The following CSMD1 variants were observed in gnomAD, a reference collection of about 807,000 sequenced individuals.
CSMD1 encodes the protein CUB and sushi domain-containing protein 1.
CSMD1 carries 213 observed loss-of-function variants against 417.5 expected under a neutral mutation model. That is an observed-to-expected ratio of 0.51 (90% CI 0.46 to 0.57). The LOEUF (loss-of-function observed/expected upper bound fraction) is 0.57, where lower values mean the gene tolerates loss of function less well. CSMD1 is among the 20% of genes least tolerant of loss of function. CSMD1 has a pLI of 0.00. For missense variants in CSMD1, 6,923 were observed against 4,529.7 expected, an observed-to-expected ratio of 1.53 and a Z score of -15.17; for synonymous variants, 2,862 against 1,736.8, an observed-to-expected ratio of 1.65 and a Z score of -16.11.
chr8:4,868,878 G>T (rs1053056197), intron 1 of CSMD1, among the ~76,000 whole-genome samples: 2 of 151,852 alleles, frequency 1.3e-5, no homozygotes, highest in Non-Finnish European at 2.9e-5. Flanking sequence ...TGAGAGGATT[G>T]AATGAAGTAA....
At chr8:4,024,079 G>T (rs1424657564) in intron 4 of CSMD1, among the ~76,000 whole-genome samples, 1 of 152,104 alleles carries the variant, frequency 6.6e-6, no homozygotes, top group East Asian at 1.9e-4. Flanking sequence ...ACTAGAAAGA[G>T]TAGAAGCAAG....
In CSMD1 at chr8:3,188,899, G is replaced by A. The variant is rs749665111; in HGVS notation, c.5511C>T (p.Gly1837=). ...TTCAAGGACTCACCTGAATTCCCGA[G>A]CCCTCCGTAACTATGATCTTCCATA... ...NCIWKIIVTE[G]SGIQIQVISF... is the part of the protein sequence containing the mutation. The change falls in exon 35 of 70, where the codon GGC becomes GGT. Residue 1837 remains glycine (G), a synonymous_variant. Coordinates refer to ENST00000635120, the MANE Select transcript of CSMD1 (RefSeq NM_033225.6). The A allele has an allele frequency of 2.5e-6, 4 of 1,575,826 alleles. No individual in the cohort carries two copies. The Admixed American group carries it at 5.6e-5, about 22-fold the overall frequency.
chr8:3,916,218 C>T (rs1584958756), intron 5 of CSMD1, among the ~76,000 whole-genome samples: 1 of 152,138 alleles, frequency 6.6e-6, no homozygotes, highest in South Asian at 2.1e-4. Flanking sequence ...CAGATGTTGC[C>T]AACCGGTCAT....
rs140275281 is a variant in CSMD1, at chr8:2,950,044, C to G, written c.10314+187G>C. Among the ~76,000 whole-genome samples the G allele has an allele frequency of 3.7e-3, 565 of 152,202 alleles. 7 individuals carry two copies. The highest frequency in any genetic ancestry group is 0.017 in the Middle Eastern group (5 of 294). On this transcript the variant is annotated intron_variant, in intron 67 of 69. Transcript: ENST00000635120. Reference sequence around the variant, plus strand: ...CCAGTTCATTGCTTACTTCTTAGACCTGGTTTCTTCCCTTATAAAATGAAG... The same window carrying G: ...CCAGTTCATTGCTTACTTCTTAGACGTGGTTTCTTCCCTTATAAAATGAAG...
chr8:3,525,953 A>C (rs1797735667), intron 10 of CSMD1, among the ~76,000 whole-genome samples: 1 of 152,194 alleles, frequency 6.6e-6, no homozygotes, highest in Non-Finnish European at 1.5e-5. Context: ...TAAGCCTTAC[A>C]ACAATTCTTC....
intron 41 of CSMD1, among the ~76,000 whole-genome samples, chr8:3,125,796 G>A (rs985368854): frequency 6.6e-6 from 1 of 152,180 alleles, no homozygotes; most frequent in Non-Finnish European, 1.5e-5. Context: ...GGCCAACATG[G>A]TGAAATCCTA....
intron 6 of CSMD1, among the ~76,000 whole-genome samples, chr8:3,745,978 G>A (rs765006400): frequency 5.9e-5 from 9 of 152,172 alleles, no homozygotes; most frequent in Non-Finnish European, 8.8e-5. Flanking sequence ...TGTAAATGCT[G>A]AAGACTTTGG....
chr8:3,458,022 A>G (rs1001070146), intron 12 of CSMD1, among the ~76,000 whole-genome samples: 23 of 152,232 alleles, frequency 1.5e-4, no homozygotes, highest in African/African-American at 5.5e-4. Flanking sequence ...AAATATCATT[A>G]TCAGAACTTT....
intron 37 of CSMD1, among the ~76,000 whole-genome samples, chr8:3,172,822 T>C (rs183678493): frequency 6.6e-6 from 1 of 152,208 alleles, no homozygotes; most frequent in African/African-American, 2.4e-5. Flanking sequence ...ATTGAAACCC[T>C]TTCCCACATG....
chr8:3,561,297 G>C (rs535201381), intron 10 of CSMD1, among the ~76,000 whole-genome samples: 2 of 152,210 alleles, frequency 1.3e-5, no homozygotes, highest in African/African-American at 4.8e-5. Flanking sequence ...CTACTCAAAG[G>C]AAAGGAAATC....
At chr8:4,976,857 G>C (rs1451757437) in intron 1 of CSMD1, among the ~76,000 whole-genome samples, 3 of 152,064 alleles carry the variant, frequency 2.0e-5, no homozygotes, top group African/African-American at 4.8e-5. Context: ...GGGCAACTGT[G>C]CTTAAAGAAA....
intron 2 of CSMD1, among the ~76,000 whole-genome samples, chr8:4,423,048 C>G (rs1797338674): frequency 1.3e-5 from 2 of 151,866 alleles, no homozygotes; most frequent in African/African-American, 4.8e-5. Flanking sequence ...AAGAATATCT[C>G]TACAAAAATA....
intron 24 of CSMD1, 145 bp downstream of exon 24, chr8:3,308,167 C>T (rs145362748): frequency 1.1e-5 from 7 of 655,660 alleles, no homozygotes; most frequent in African/African-American, 9.2e-5. Flanking sequence ...CTCACAGACA[C>T]GTGCAAATCT....
chr8:3,281,909 T>C (rs979396730), intron 26 of CSMD1, among the ~76,000 whole-genome samples: 1 of 152,140 alleles, frequency 6.6e-6, no homozygotes, highest in South Asian at 2.1e-4. Context: ...GTCTTCATGA[T>C]AGAGTTCTCA....
chr8:3,600,987 G>T (rs1209557480), intron 8 of CSMD1, among the ~76,000 whole-genome samples: 1 of 152,176 alleles, frequency 6.6e-6, no homozygotes, highest in South Asian at 2.1e-4. Flanking sequence ...TTCCAAGGGG[G>T]TCTCTGTACT....
intron 5 of CSMD1, among the ~76,000 whole-genome samples, chr8:3,947,294 A>G (rs1279993770): frequency 1.3e-5 from 2 of 152,138 alleles, no homozygotes; most frequent in Non-Finnish European, 2.9e-5. Context: ...TTATGTATGC[A>G]GCTTTTAATT....
At chr8:3,702,045 G>A (rs1250191288) in intron 7 of CSMD1, 2 of 152,058 alleles carry the variant, frequency 1.3e-5, no homozygotes, top group East Asian at 1.9e-4. Context: ...GGAAGTGAAC[G>A]TTTATGGTTA....
At chr8:4,009,882 T>A (rs1306538950) in intron 4 of CSMD1, among the ~76,000 whole-genome samples, 3 of 152,028 alleles carry the variant, frequency 2.0e-5, no homozygotes, top group Non-Finnish European at 4.4e-5. Flanking sequence ...CGTACATCCT[T>A]TGTCTTCCTT....
At chr8:3,851,018 C>G (rs1803869413) in intron 5 of CSMD1, among the ~76,000 whole-genome samples, 1 of 152,092 alleles carries the variant, frequency 6.6e-6, no homozygotes, top group Admixed American at 6.6e-5. Flanking sequence ...ATGTGTTTTT[C>G]CTGCAGTGAT....
Sources: gnomAD v4.1 joint callset for allele counts (sites outside exome capture counted in the v4.1 genomes callset) on GRCh38, gnomAD v4.1.1 for gene constraint, MANE v1.5 for transcripts, NCBI Gene and HGNC (gene_info 2026-07-23, HGNC 2026-07-21) for gene names.